Variants in NAT10 observed in about 807,000 individuals in gnomAD.
NAT10 encodes the protein N-acetyltransferase 10, also known as RNA cytidine acetyltransferase.
In NAT10, 109 loss-of-function variants were observed where a neutral mutation model predicts 132.2. The observed-to-expected ratio is 0.82, with a 90% CI of 0.71 to 0.97. The LOEUF is 0.97. Among genes scored for constraint, NAT10 ranks in the 50% least tolerant of loss-of-function variants. The pLI is 0.00. For missense variants in NAT10, 1,184 were observed against 1,263.4 expected, an observed-to-expected ratio of 0.94 and a Z score of 0.95; for synonymous variants, 479 against 478.0, an observed-to-expected ratio of 1.00 and a Z score of -0.03.
intron 28 of NAT10, among the ~76,000 whole-genome samples, chr11:34,144,905 A>T (rs548170939): frequency 1.3e-5 from 2 of 152,352 alleles, no homozygotes; most frequent in Admixed American, 1.3e-4. Flanking sequence ...TGTCTCTAGG[A>T]ACTATAGATC....
In NAT10 at chr11:34,113,569, CAGGT is replaced by C. The variant is rs1851733352; in HGVS notation, c.373-146_373-143del. The C allele has an allele frequency of 3.2e-5, 31 of 981,660 alleles. No individual in the cohort carries two copies. The South Asian group carries it at 4.5e-4, about 14-fold the overall frequency. 60.8% of individuals were successfully genotyped at this position (981,660 alleles called of 1,614,324 possible). On this transcript the variant is annotated intron_variant, in intron 4 of 28. Coordinates refer to ENST00000257829, the MANE Select transcript of NAT10 (RefSeq NM_024662.3). ...TGTAATCCCAGCACTTTGGGAGGCT[CAGGT>C]GGGTGGTGAGCCAAGATTGCGCCAC...
At chr11:34,117,617 C>A (rs928235626) in intron 6 of NAT10, among the ~76,000 whole-genome samples, 1 of 152,174 alleles carries the variant, frequency 6.6e-6, no homozygotes, top group Non-Finnish European at 1.5e-5. Flanking sequence ...ACAACAGAAG[C>A]CTATGAAATC....
At chr11:34,119,428 C>T (rs1378194271) in intron 8 of NAT10, among the ~76,000 whole-genome samples, 1 of 152,264 alleles carries the variant, frequency 6.6e-6, no homozygotes, top group Non-Finnish European at 1.5e-5. Flanking sequence ...TCAGCAGCTA[C>T]ATAGCTCTCT....
At chr11:34,122,895 A>G (rs1345920186) in intron 9 of NAT10, among the ~76,000 whole-genome samples, 3 of 152,256 alleles carry the variant, frequency 2.0e-5, no homozygotes, top group East Asian at 3.8e-4. Context: ...AAACTTTACA[A>G]CTCAGGGCAT....
chr11:34,110,559 C>CCATT (rs1253094704), intron 3 of NAT10, among the ~76,000 whole-genome samples: 6 of 101,736 alleles, frequency 5.9e-5, no homozygotes, highest in African/African-American at 2.7e-4. Flanking sequence ...TTTTCTTTCC[C>CCATT]TTTTTTTTTT....
In NAT10 at chr11:34,141,128, GA is replaced by G. The variant is rs1471213424; in HGVS notation, c.2633del (p.Asp878AlafsTer14). On this transcript the variant is annotated frameshift_variant, in exon 25 of 29. Transcript: ENST00000257829. LOFTEE classifies it high-confidence loss of function. The stretch of plus-strand genomic sequence containing the variant: ...GATTGGCCTGCAGCATAAGTCTGTG[GA>G]CCAGCTGGAAAAGGAGATTGAGCTG... ...LGIGLQHKSV[D>X]QLEKEIELPS... 6.2e-7 allele frequency: 1 copy of G among 1,613,862 alleles called. No individual in the cohort carries two copies. Among genetic ancestry groups the G allele is most frequent in the Non-Finnish European group, 8.5e-7 (1 of 1,180,008 alleles).
chr11:34,141,929 G>C, intron 26 of NAT10, 112 bp downstream of exon 26: 1 of 869,388 alleles, frequency 1.2e-6, no homozygotes, highest in East Asian at 2.6e-5. Context: ...TGCACTAATT[G>C]AGCTAAGTGC....
chr11:34,130,834 A>G lies in NAT10; in HGVS notation c.1266A>G (p.Ser422=). 6.2e-7 allele frequency: 1 copy of G among 1,614,108 alleles called. No homozygotes were observed. The change falls in exon 13 of 29, where the codon TCA becomes TCG. Residue 422 remains serine (S), a synonymous_variant. Coordinates refer to ENST00000257829, the MANE Select transcript of NAT10 (RefSeq NM_024662.3). ...CTAGCTATGAGGGCACTGGCCGGTC[A>G]CTGTCCCTCAAGCTAATTCAGCAGC... ...TINGYEGTGR[S]LSLKLIQQLR... is the part of the protein sequence containing the mutation.
At position 34,118,189 on chromosome 11, in the gene NAT10, G is replaced by A; in HGVS notation, c.567G>A (p.Leu189=). ...CGGTTTTGTATCTCAGGTTTATTCT[G>A]TCTCTGGCCTCTTGTAAGAAGTGTC... ...VVGRFNERFI[L]SLASCKKCLV... is the part of the protein sequence containing the mutation. The change falls in exon 7 of 29, where the codon CTG becomes CTA. Residue 189 remains leucine (L), a synonymous_variant. Transcript: ENST00000257829. The A allele has an allele frequency of 6.2e-7, 1 of 1,613,710 alleles. No individual in the cohort carries two copies. The highest frequency in any genetic ancestry group is 8.5e-7 in the Non-Finnish European group (1 of 1,179,664).
intron 23 of NAT10, 45 bp downstream of exon 23, chr11:34,139,540 T>C: frequency 6.5e-7 from 1 of 1,539,404 alleles, no homozygotes; most frequent in Non-Finnish European, 9.0e-7. Flanking sequence ...ATGGCTTGGC[T>C]GTGTGGGAGG....
At chr11:34,139,364 C>G (rs1332085162) in intron 22 of NAT10, 21 bp from the exon 23 acceptor site, 1 of 1,613,154 alleles carries the variant, frequency 6.2e-7, no homozygotes, top group East Asian at 2.2e-5. Flanking sequence ...ACCTCTAACT[C>G]TGCGTGATGG....
In NAT10 at chr11:34,108,319, C is replaced by G. The variant is rs753240917; in HGVS notation, c.94C>G (p.Arg32Gly). The G allele has an allele frequency of 1.9e-6, 3 of 1,613,454 alleles. No individual in the cohort carries two copies. Among genetic ancestry groups the G allele is most frequent in the South Asian group, 2.2e-5 (2 of 91,062 alleles). The change falls in exon 2 of 29, where the codon CGA becomes GGA. Residue 32 changes from arginine to glycine, a missense_variant. Physicochemically the swap from Arg to Gly is moderately radical, Grantham distance 125 (BLOSUM62 -2). Coordinates refer to ENST00000257829, the MANE Select transcript of NAT10 (RefSeq NM_024662.3). Reference sequence around the variant, plus strand: ...ATCTCTCTTTGTTGTAGTTGGGGATCGAGGAAAAGATCAGGTATGGCCTGG... The same window carrying G: ...ATCTCTCTTTGTTGTAGTTGGGGATGGAGGAAAAGATCAGGTATGGCCTGG... ...QRSLFVVVGD[R>G]GKDQVVILHH...
At chr11:34,107,773 G>T (rs1851620531) in intron 1 of NAT10, among the ~76,000 whole-genome samples, 1 of 152,222 alleles carries the variant, frequency 6.6e-6, no homozygotes, top group Admixed American at 6.5e-5. Flanking sequence ...TACCTGGGAG[G>T]TTGAGGCAGG....
At position 34,116,001 on chromosome 11, in the gene NAT10, A is replaced by G; in HGVS notation, c.557+117A>G. 3.4e-6 allele frequency: 3 copies of G among 891,414 alleles called. No individual in the cohort carries two copies. In the South Asian group the frequency reaches 5.0e-5, roughly 15 times the overall value. The allele number at this position is 891,414 out of a possible 1,614,324, so 55.2% of individuals were successfully genotyped here. A position where few individuals can be genotyped will look rare whatever the true frequency, so the allele number is the denominator to read the frequency against. On this transcript the variant is annotated intron_variant, in intron 6 of 28. Coordinates refer to ENST00000257829, the MANE Select transcript of NAT10 (RefSeq NM_024662.3). Reference sequence around the variant, plus strand: ...GGGAAAGTAGTACAATATTCCAAAAATGATGAGATTCTTGACAGCAGCAGC... The same window carrying G: ...GGGAAAGTAGTACAATATTCCAAAAGTGATGAGATTCTTGACAGCAGCAGC...
intron 23 of NAT10, among the ~76,000 whole-genome samples, chr11:34,139,759 T>TTA (rs1191209884): frequency 6.6e-6 from 1 of 152,144 alleles, no homozygotes; most frequent in Non-Finnish European, 1.5e-5. Flanking sequence ...GGAGGCCGAT[T>TTA]TACATCTGTG....
chr11:34,129,480 T>G (rs188181093), intron 12 of NAT10, among the ~76,000 whole-genome samples: 1 of 152,144 alleles, frequency 6.6e-6, no homozygotes, highest in Admixed American at 6.6e-5. Flanking sequence ...TTGGGTTGTC[T>G]TTTTTATTAA....
intron 16 of NAT10, among the ~76,000 whole-genome samples, chr11:34,133,642 A>G (rs1346748966): frequency 1.3e-5 from 2 of 152,214 alleles, no homozygotes; most frequent in Non-Finnish European, 2.9e-5. Context: ...TACATGTACC[A>G]TGATTTGTTC....
intron 10 of NAT10, 54 bp downstream of exon 10, chr11:34,123,909 C>T: frequency 4.3e-6 from 6 of 1,407,352 alleles, no homozygotes; most frequent in Non-Finnish European, 6.0e-6. Flanking sequence ...GTGGCTCACG[C>T]CTGTAATCCC....
Position 34,112,141 on chromosome 11 carries a change from T to C in NAT10, c.290T>C (p.Ile97Thr). 3 of 1,614,232 alleles carry C rather than the reference T, an allele frequency of 1.9e-6. No homozygotes were observed. Among genetic ancestry groups the C allele is most frequent in the Middle Eastern group, 3.3e-4 (2 of 6,062 alleles). ...IKQDDPFELFIAATNIRYCYY... is the reference protein window; with the variant it reads ...IKQDDPFELFTAATNIRYCYY... ...CAGGACGACCCCTTTGAACTCTTCA[T>C]AGCAGCCACAAACATTCGCTACTGC... is the stretch of plus-strand genomic sequence containing the variant. Residue 97 changes from isoleucine to threonine, a missense_variant, in exon 4 of 29, where the codon ATA becomes ACA. Coordinates refer to ENST00000257829, the MANE Select transcript of NAT10 (RefSeq NM_024662.3).
Sources: allele counts gnomAD v4.1 joint callset (sites outside exome capture counted in the v4.1 genomes callset), GRCh38; gene constraint gnomAD v4.1.1; transcripts MANE v1.5; gene names NCBI Gene and HGNC (gene_info 2026-07-23, HGNC 2026-07-21).